FBXO11: variants seen among roughly 807,000 people sequenced by gnomAD.
FBXO11 encodes the protein F-box only protein 11.
Under a neutral mutation model 117.0 loss-of-function variants are expected in FBXO11, and 13 were observed. The observed-to-expected ratio is 0.11, with a 90% CI of 0.07 to 0.18. FBXO11 has a LOEUF of 0.18. Ranked by LOEUF, FBXO11 falls within the 10% of genes least tolerant of loss-of-function variation. The pLI is 1.00. For missense variants in FBXO11, 767 were observed against 1,164.4 expected (o/e 0.66, Z 4.97); for synonymous variants, 490 against 380.5 (o/e 1.29, Z -3.35).
At chr2:47,871,112 AG>A (rs1273648061) in intron 1 of FBXO11, among the ~76,000 whole-genome samples, 1 of 152,218 alleles carries the variant, frequency 6.6e-6, no homozygotes, top group Non-Finnish European at 1.5e-5. Context: ...TCTAATGAAC[AG>A]GAAGTGGTGA....
intron 11 of FBXO11, among the ~76,000 whole-genome samples, chr2:47,829,232 TTTTATTTA>T (rs575032266): frequency 6.6e-6 from 1 of 151,202 alleles, no homozygotes; most frequent in Non-Finnish European, 1.5e-5. Context: ...TGCTATGACA[TTTTATTTA>T]TTTATTTATT....
Position 47,809,048 on chromosome 2 carries a change from A to G in FBXO11, c.2555+110T>C, listed in dbSNP as rs114304626. On this transcript the variant is annotated intron_variant, in intron 21 of 22. Coordinates refer to ENST00000403359, the MANE Select transcript of FBXO11 (RefSeq NM_001190274.2). ...CAAGTAGATTGATGATAAAATTTTC[A>G]GTTAGTTATAGTCTCAACACCGGCA... 6.0e-4 allele frequency: 376 copies of G among 621,682 alleles called. 1 individual carries two copies. The African/African-American group carries it at 6.8e-3, about 11-fold the overall frequency. 38.5% of individuals were successfully genotyped at this position (621,682 alleles called of 1,614,324 possible).
chr2:47,830,496 G>T (rs973856656), intron 11 of FBXO11, among the ~76,000 whole-genome samples: 1 of 151,914 alleles, frequency 6.6e-6, no homozygotes, highest in Non-Finnish European at 1.5e-5. Context: ...AATAAATAAA[G>T]AATAAATATA....
chr2:47,824,731 G>T (rs1216742939), intron 11 of FBXO11, among the ~76,000 whole-genome samples: 1 of 152,072 alleles, frequency 6.6e-6, no homozygotes, highest in Non-Finnish European at 1.5e-5. Context: ...ATGAGTGGTG[G>T]AATTATGGAT....
chr2:47,845,264 C>T (rs185439335), intron 1 of FBXO11, among the ~76,000 whole-genome samples: 3 of 151,226 alleles, frequency 2.0e-5, no homozygotes, highest in African/African-American at 7.3e-5. Context: ...AATTCATTTG[C>T]ATCCTAAAAT....
chr2:47,848,337 G>A (rs1572839998), intron 1 of FBXO11, among the ~76,000 whole-genome samples: 1 of 152,202 alleles, frequency 6.6e-6, no homozygotes, highest in African/African-American at 2.4e-5. Flanking sequence ...TCTCATAGGA[G>A]TGTGAACCCT....
At chr2:47,828,989 A>G (rs901964995) in intron 11 of FBXO11, among the ~76,000 whole-genome samples, 7 of 151,472 alleles carry the variant, frequency 4.6e-5, no homozygotes, top group Non-Finnish European at 1.0e-4. Flanking sequence ...ATCTTGGGTC[A>G]CTGCAACCTC....
chr2:47,900,079 C>G (rs187920111), intron 1 of FBXO11, among the ~76,000 whole-genome samples: 9 of 152,100 alleles, frequency 5.9e-5, no homozygotes, highest in Non-Finnish European at 1.3e-4. Context: ...GTCAGAATTT[C>G]CAGTAAAGGG....
At position 47,906,061 on chromosome 2, in the gene FBXO11, C is replaced by A; in HGVS notation, c.-341G>T. ...CGTCCGCCGCTTGGGGATCCCGAGG[C>A]GAAGCGCGGCGGCGGCGGCGGCGGC... On this transcript the variant is annotated 5_prime_UTR_variant, in exon 1 of 23. Transcript: ENST00000403359. 5.6e-6 allele frequency: 1 copy of A among 179,814 alleles called. No individual in the cohort carries two copies. Among genetic ancestry groups the A allele is most frequent in the Non-Finnish European group, 1.2e-5 (1 of 86,774 alleles). The allele number at this position is 179,814 out of a possible 1,614,324, so 11.1% of individuals were successfully genotyped here. A position where few individuals can be genotyped will look rare whatever the true frequency, so the allele number is the denominator to read the frequency against.
At chr2:47,858,300 G>A (rs1033873304) in intron 1 of FBXO11, among the ~76,000 whole-genome samples, 4 of 151,324 alleles carry the variant, frequency 2.6e-5, no homozygotes, top group Admixed American at 6.6e-5. Flanking sequence ...GTGAGCCACC[G>A]TGCCCAGCCC....
intron 11 of FBXO11, among the ~76,000 whole-genome samples, chr2:47,824,100 C>T (rs989819456): frequency 6.6e-6 from 1 of 152,132 alleles, no homozygotes; most frequent in Non-Finnish European, 1.5e-5. Flanking sequence ...AACATCTATT[C>T]GATAAATGTA....
At chr2:47,874,189 G>A (rs572957833) in intron 1 of FBXO11, among the ~76,000 whole-genome samples, 4 of 151,984 alleles carry the variant, frequency 2.6e-5, no homozygotes, top group Non-Finnish European at 4.4e-5. Flanking sequence ...ACTCCAGTCC[G>A]GACGATAGTG....
intron 1 of FBXO11, among the ~76,000 whole-genome samples, chr2:47,861,536 G>T (rs1277113436): frequency 2.0e-5 from 3 of 151,898 alleles, no homozygotes; most frequent in Non-Finnish European, 4.4e-5. Flanking sequence ...TGCCCTGACT[G>T]GTCTTGAATT....
At chr2:47,864,608 C>A (rs1397176481) in intron 1 of FBXO11, among the ~76,000 whole-genome samples, 3 of 151,962 alleles carry the variant, frequency 2.0e-5, no homozygotes, top group Non-Finnish European at 4.4e-5. Context: ...CAAAAATAAA[C>A]AAGAATCTAG....
intron 7 of FBXO11, 60 bp from the exon 8 acceptor site, chr2:47,833,130 T>A (rs1228666689): frequency 8.0e-6 from 9 of 1,120,090 alleles, no homozygotes; most frequent in Admixed American, 7.3e-5. Context: ...ATGGGTATCT[T>A]TATGGAGGGG....
At chr2:47,865,711 A>AT (rs1675144249) in intron 1 of FBXO11, 1 of 152,226 alleles carries the variant, frequency 6.6e-6, no homozygotes, top group South Asian at 2.1e-4. Context: ...ATCTTAAATA[A>AT]ATTTAAGACA....
intron 1 of FBXO11, among the ~76,000 whole-genome samples, chr2:47,847,985 G>A (rs1018683104): frequency 1.3e-3 from 204 of 151,764 alleles, no homozygotes; most frequent in African/African-American, 4.9e-3. Flanking sequence ...TTAGCCGGGC[G>A]TGGTGACGGG....
chr2:47,858,909 C>T (rs1267552154), intron 1 of FBXO11, among the ~76,000 whole-genome samples: 1 of 150,676 alleles, frequency 6.6e-6, no homozygotes, highest in Admixed American at 6.6e-5. Context: ...CGTGGTAGCC[C>T]GCGCCTGTAA....
chr2:47,866,824 A>G (rs1418559768), intron 1 of FBXO11, among the ~76,000 whole-genome samples: 1 of 152,154 alleles, frequency 6.6e-6, no homozygotes, highest in Non-Finnish European at 1.5e-5. Context: ...TTTGAGAAAA[A>G]ATACCCACCC....
Sources: gnomAD v4.1 joint callset for allele counts (sites outside exome capture counted in the v4.1 genomes callset) on GRCh38, gnomAD v4.1.1 for gene constraint, MANE v1.5 for transcripts, NCBI Gene and HGNC (gene_info 2026-07-23, HGNC 2026-07-21) for gene names.